The following TSPAN15 variants were observed in gnomAD, a reference collection of about 807,000 sequenced individuals.
The protein encoded by TSPAN15 is tetraspanin 15.
Under a neutral mutation model 34.5 loss-of-function variants are expected in TSPAN15, and 20 were observed. The ratio of observed to expected loss-of-function variants is 0.58; its 90% CI spans 0.41 to 0.84. The LOEUF (loss-of-function observed/expected upper bound fraction) is 0.84. Ranked by LOEUF, TSPAN15 falls within the 40% of genes least tolerant of loss-of-function variation. The pLI is 0.00. For synonymous variants in TSPAN15, 155 were observed against 153.9 expected (o/e 1.01, Z -0.05); for missense variants, 313 against 386.1 (o/e 0.81, Z 1.59).
At chr10:69,510,006 G>A (rs183893730), downstream of TSPAN15, among the ~76,000 whole-genome samples, 3 of 152,324 alleles carry the variant, frequency 2.0e-5, no homozygotes, top group East Asian at 3.9e-4. Flanking sequence ...TTGAAGTCAG[G>A]AAGTGTGATG....
At chr10:69,475,780 G>A (rs1330024684) in intron 1 of TSPAN15, among the ~76,000 whole-genome samples, 1 of 152,124 alleles carries the variant, frequency 6.6e-6, no homozygotes, top group Admixed American at 6.5e-5. Flanking sequence ...GTTTTCCAAA[G>A]GCTATGTTTG....
chr10:69,485,257 C>T (rs758361932), intron 3 of TSPAN15, 42 bp downstream of exon 3: 4 of 1,586,636 alleles, frequency 2.5e-6, no homozygotes, highest in Non-Finnish European at 3.5e-6. Context: ...GTGTATGGAG[C>T]ACCCACTGTG....
At chr10:69,482,624 T>G (rs1841757930) in intron 1 of TSPAN15, among the ~76,000 whole-genome samples, 1 of 152,206 alleles carries the variant, frequency 6.6e-6, no homozygotes, top group Non-Finnish European at 1.5e-5. Context: ...TCCACATTCA[T>G]TCACTCGCGA....
chr10:69,474,516 C>G (rs1841574048), intron 1 of TSPAN15, among the ~76,000 whole-genome samples: 1 of 152,134 alleles, frequency 6.6e-6, no homozygotes, highest in Non-Finnish European at 1.5e-5. Context: ...GAAGGAAGAT[C>G]TGGGCCATCT....
intron 1 of TSPAN15, among the ~76,000 whole-genome samples, chr10:69,459,912 C>A (rs1310748483): frequency 1.0e-5 from 1 of 97,674 alleles, no homozygotes; most frequent in Non-Finnish European, 2.1e-5. Flanking sequence ...GGGAGGGAGA[C>A]TCTAGGCACC....
At chr10:69,503,547 G>T (rs1412569218) in intron 5 of TSPAN15, among the ~76,000 whole-genome samples, 1 of 152,258 alleles carries the variant, frequency 6.6e-6, no homozygotes, top group South Asian at 2.1e-4. Flanking sequence ...CTAAGGTTGG[G>T]CTCTGCTCCT....
the TSPAN15 span, among the ~76,000 whole-genome samples, chr10:69,548,457 C>A: frequency 6.6e-6 from 1 of 152,206 alleles, no homozygotes; most frequent in Non-Finnish European, 1.5e-5. Context: ...GAAAACTTGA[C>A]AAAACATATG....
chr10:69,548,545 C>T, the TSPAN15 span, among the ~76,000 whole-genome samples: 10 of 152,328 alleles, frequency 6.6e-5, no homozygotes, highest in East Asian at 3.9e-4. Context: ...GATCACCTGG[C>T]TTTCTGCTGG....
Position 69,451,700 on chromosome 10 carries a change from C to T in TSPAN15, c.96+10C>T. 1 of 1,474,250 alleles carries T rather than the reference C, an allele frequency of 6.8e-7. No homozygotes were observed. The highest frequency in any genetic ancestry group is 9.0e-7 in the Non-Finnish European group (1 of 1,106,324). 91.3% of individuals were successfully genotyped at this position (1,474,250 alleles called of 1,614,324 possible). On this transcript the variant is annotated intron_variant, in intron 1 of 7. Coordinates refer to ENST00000373290, the MANE Select transcript of TSPAN15 (RefSeq NM_012339.5). The stretch of plus-strand genomic sequence containing the variant: ...TTCCACCGTGTTCTGGGTGAGTGAC[C>T]CCAGTAGGGCCCGGGGATGGGGGTG...
chr10:69,461,264 A>G (rs1841249553), intron 1 of TSPAN15, among the ~76,000 whole-genome samples: 1 of 152,252 alleles, frequency 6.6e-6, no homozygotes, highest in African/African-American at 2.4e-5. Context: ...TTCCTGGGAC[A>G]AGAACTGTTT....
chr10:69,546,257 G>A, the TSPAN15 span, among the ~76,000 whole-genome samples: 2 of 152,198 alleles, frequency 1.3e-5, no homozygotes, highest in African/African-American at 4.8e-5. Context: ...CACAAACAGA[G>A]AGCCTGCGTA....
chr10:69,480,190 G>A (rs530275124), intron 1 of TSPAN15, among the ~76,000 whole-genome samples: 8 of 152,270 alleles, frequency 5.3e-5, no homozygotes, highest in Non-Finnish European at 8.8e-5. Context: ...GCCAGTGGCA[G>A]CTCTGGTGTT....
intron 1 of TSPAN15, among the ~76,000 whole-genome samples, chr10:69,467,970 C>A (rs1841423969): frequency 6.6e-6 from 1 of 152,154 alleles, no homozygotes; most frequent in Admixed American, 6.5e-5. Flanking sequence ...CTGATGGGGA[C>A]TGTCGTGTGT....
At chr10:69,488,007 A>G (rs1821248316) in intron 3 of TSPAN15, among the ~76,000 whole-genome samples, 5 of 152,230 alleles carry the variant, frequency 3.3e-5, no homozygotes, top group African/African-American at 1.2e-4. Context: ...AACTTAAAAA[A>G]TGAGATACAA....
At chr10:69,539,637 C>T in the TSPAN15 span, among the ~76,000 whole-genome samples, 3 of 152,124 alleles carry the variant, frequency 2.0e-5, no homozygotes, top group Admixed American at 6.5e-5. Context: ...AGGGCTCCAA[C>T]CAGAGAGTGT....
At chr10:69,515,685 A>G in the TSPAN15 span, among the ~76,000 whole-genome samples, 1 of 152,238 alleles carries the variant, frequency 6.6e-6, no homozygotes, top group African/African-American at 2.4e-5. Flanking sequence ...GCTCTGGCAC[A>G]AGGTCCTGGC....
In TSPAN15 at chr10:69,506,393, A is replaced by C. The variant is rs1393690196; in HGVS notation, c.735+153A>C. On this transcript the variant is annotated intron_variant, in intron 7 of 7. Transcript: ENST00000373290. This position sits in a 1 kb window ranked among gnomAD's most constrained non-coding sequence, Gnocchi z 4.7. The stretch of plus-strand genomic sequence containing the variant: ...GCTGGAAGGAGGGGCAAATGGCAAT[A>C]GCAGTCGTGGCGAAGCTCTTCCAAG... 2 of 687,262 alleles carry C rather than the reference A, an allele frequency of 2.9e-6. No homozygotes were observed. The highest frequency in any genetic ancestry group is 4.9e-6 in the Non-Finnish European group (2 of 404,130). 42.6% of individuals were successfully genotyped at this position (687,262 alleles called of 1,614,324 possible).
At chr10:69,483,342 C>G (rs1286133009) in intron 1 of TSPAN15, among the ~76,000 whole-genome samples, 3 of 151,872 alleles carry the variant, frequency 2.0e-5, no homozygotes, top group Admixed American at 2.0e-4. Flanking sequence ...CTGCCTTCTC[C>G]CTGCGTGTTC....
At chr10:69,509,927 T>C (rs372542847), downstream of TSPAN15, among the ~76,000 whole-genome samples, 2,014 of 152,296 alleles carry the variant, frequency 0.013, 22 homozygotes, top group South Asian at 0.031. Context: ...TGTTCTGTTC[T>C]ATTGGTCTAT....
Sources: gnomAD v4.1 joint callset for allele counts (sites outside exome capture counted in the v4.1 genomes callset) on GRCh38, gnomAD v4.1.1 for gene constraint, Gnocchi (gnomAD v3.1) non-coding constraint, MANE v1.5 for transcripts, NCBI Gene and HGNC (gene_info 2026-07-23, HGNC 2026-07-21) for gene names.